CCDC83: variants seen among roughly 807,000 people sequenced by gnomAD.
CCDC83 encodes coiled-coil domain containing 83.
In CCDC83, 54 loss-of-function variants were observed where a neutral mutation model predicts 50.1. That is an observed-to-expected ratio of 1.08 (90% CI 0.87 to 1.35). The LOEUF (loss-of-function observed/expected upper bound fraction) is 1.35. Ranked by LOEUF, CCDC83 falls within the 40% of genes most tolerant of loss-of-function variation. CCDC83 has a pLI of 0.00. For missense variants in CCDC83, 518 were observed against 473.9 expected, an observed-to-expected ratio of 1.09 and a Z score of -0.86; for synonymous variants, 161 against 153.3, an observed-to-expected ratio of 1.05 and a Z score of -0.37.
At chr11:85,915,308 T>C in intron 8 of CCDC83, 111 bp from the exon 9 acceptor site, 1 of 739,520 alleles carries the variant, frequency 1.4e-6, no homozygotes, top group Non-Finnish European at 2.3e-6. Flanking sequence ...AGAAATTATG[T>C]CTCATTTTTC....
intron 2 of CCDC83, among the ~76,000 whole-genome samples, chr11:85,865,610 G>A (rs778685224): frequency 5.3e-5 from 8 of 152,176 alleles, no homozygotes; most frequent in South Asian, 2.1e-4. Context: ...AGAAGAGGCC[G>A]GGCATGGTGG....
At chr11:85,858,791 C>T (rs2044390) in intron 1 of CCDC83, among the ~76,000 whole-genome samples, 24,228 of 152,042 alleles carry the variant, frequency 0.16, 2,118 homozygotes, top group Middle Eastern at 0.2. Context: ...GGTACCTCAG[C>T]CCATGACAGA....
Position 85,898,932 on chromosome 11 carries a change from G to A in CCDC83, c.604-15G>A. The A allele has an allele frequency of 6.3e-7, 1 of 1,597,774 alleles. No individual in the cohort carries two copies. The highest frequency in any genetic ancestry group is 1.1e-5 in the South Asian group (1 of 89,724). ...CATGTGGCAACTCTTCCTTAATCCAGAAACTTTCTTTTAGAATGCTGTAAA... is the reference window on the plus strand; with the variant it reads ...CATGTGGCAACTCTTCCTTAATCCAAAAACTTTCTTTTAGAATGCTGTAAA... On this transcript the variant is annotated splice_polypyrimidine_tract_variant and intron_variant, in intron 6 of 10. Coordinates refer to ENST00000342404, the MANE Select transcript of CCDC83 (RefSeq NM_001286159.2).
chr11:85,857,129 A>T (rs550546523), intron 1 of CCDC83, among the ~76,000 whole-genome samples: 10 of 152,298 alleles, frequency 6.6e-5, no homozygotes, highest in African/African-American at 2.2e-4. Flanking sequence ...ATTGGCCTGG[A>T]CTTCTGGGGA....
At chr11:85,880,356 G>A (rs1056838057) in intron 3 of CCDC83, among the ~76,000 whole-genome samples, 45 of 151,836 alleles carry the variant, frequency 3.0e-4, no homozygotes, top group African/African-American at 9.7e-4. Flanking sequence ...GCACAATTAC[G>A]GCTCACTGCA....
chr11:85,886,422 T>C (rs2093327319), intron 5 of CCDC83, 55 bp downstream of exon 5: 5 of 1,401,876 alleles, frequency 3.6e-6, no homozygotes, highest in Non-Finnish European at 3.8e-6. Context: ...TAGTAGGGCA[T>C]ACATTGATGG....
Position 85,916,222 on chromosome 11 carries a change from A to C in CCDC83, c.1069A>C (p.Lys357Gln). Residue 357 changes from lysine to glutamine, a missense_variant, in exon 10 of 11, where the codon AAG becomes CAG. Physicochemically the swap from Lys to Gln is moderately conservative, Grantham distance 53. Transcript: ENST00000342404. Reference protein sequence around the residue: ...DMKYLLYEDEKDFKDYVNLGP... With the variant: ...DMKYLLYEDEQDFKDYVNLGP... ...GAAGTACTTACTATATGAGGATGAG[A>C]AGGATTTCAAGGTAAGATTCATAAC... 2 of 1,604,146 alleles carry C rather than the reference A, an allele frequency of 1.2e-6. No homozygotes were observed. The highest frequency in any genetic ancestry group is 1.7e-6 in the Non-Finnish European group (2 of 1,174,002).
intron 7 of CCDC83, among the ~76,000 whole-genome samples, chr11:85,904,797 G>A (rs866371439): frequency 7.9e-5 from 12 of 152,092 alleles, no homozygotes; most frequent in African/African-American, 1.9e-4. Flanking sequence ...AAATGTCACC[G>A]TCAGCTTCTA....
chr11:85,900,536 T>C (rs1422796551), intron 7 of CCDC83, among the ~76,000 whole-genome samples: 1 of 152,126 alleles, frequency 6.6e-6, no homozygotes, highest in East Asian at 1.9e-4. Flanking sequence ...AAAAATTTGG[T>C]ATGAAAACAG....
intron 2 of CCDC83, among the ~76,000 whole-genome samples, chr11:85,867,464 T>G (rs1229429634): frequency 2.0e-5 from 3 of 152,238 alleles, no homozygotes; most frequent in Non-Finnish European, 4.4e-5. Flanking sequence ...TATATTCGTA[T>G]GAACTTTTTA....
At chr11:85,872,600 C>T (rs1436614934) in intron 2 of CCDC83, among the ~76,000 whole-genome samples, 1 of 152,186 alleles carries the variant, frequency 6.6e-6, no homozygotes, top group Non-Finnish European at 1.5e-5. Flanking sequence ...AAGAGATACA[C>T]TATACTTAAC....
intron 7 of CCDC83, among the ~76,000 whole-genome samples, chr11:85,908,418 T>A (rs1414556313): frequency 1.3e-5 from 2 of 151,680 alleles, no homozygotes; most frequent in Non-Finnish European, 2.9e-5. Context: ...CTGGGCATGG[T>A]GGCGGGCGCC....
rs575991895 is a variant in CCDC83 at position 85,911,375 on chromosome 11, G to A, written c.767G>A (p.Cys256Tyr). The stretch of plus-strand genomic sequence containing the variant: ...GTGCTTATTGATCAACTATCCAACT[G>A]TAGACTTGTGGATCTCAAGATACCC... ...NLVLIDQLSN[C>Y]RLVDLKIPRR... is the part of the protein sequence containing the mutation. The change falls in exon 8 of 11, where the codon TGT becomes TAT. Residue 256 changes from cysteine to tyrosine, a missense_variant. By Grantham distance (194) the Cys-to-Tyr change is radical. Coordinates refer to ENST00000342404, the MANE Select transcript of CCDC83 (RefSeq NM_001286159.2). 3 of 1,609,058 alleles carry A rather than the reference G, an allele frequency of 1.9e-6. No homozygotes were observed. The South Asian group carries it at 3.3e-5, about 18-fold the overall frequency.
At position 85,886,282 on chromosome 11, in the gene CCDC83, T is replaced by C. The variant is rs1417515716; in HGVS notation, c.426T>C (p.Asn142=). The C allele has an allele frequency of 1.2e-6, 2 of 1,611,442 alleles. No homozygotes were observed. The highest frequency in any genetic ancestry group is 1.7e-5 in the Admixed American group (1 of 59,260). Residue 142 remains asparagine, a synonymous_variant, in exon 5 of 11, where the codon AAT becomes AAC. Transcript: ENST00000342404. Reference sequence around the variant, plus strand: ...AGGAATATTGGGAGGAGTACAAGAATGTAGGGAGTGAACGACATGCTAAAC... The same window carrying C: ...AGGAATATTGGGAGGAGTACAAGAACGTAGGGAGTGAACGACATGCTAAAC... ...SEKEYWEEYK[N]VGSERHAKLI...
intron 7 of CCDC83, among the ~76,000 whole-genome samples, chr11:85,901,960 G>A (rs1393687792): frequency 6.6e-6 from 1 of 152,134 alleles, no homozygotes; most frequent in East Asian, 1.9e-4. Flanking sequence ...GAGCCCAGGA[G>A]GTCAAGGCTG....
intron 2 of CCDC83, among the ~76,000 whole-genome samples, chr11:85,872,842 T>C (rs1468667758): frequency 1.3e-5 from 2 of 152,196 alleles, no homozygotes; most frequent in Admixed American, 1.3e-4. Flanking sequence ...CCTTATAAAG[T>C]CTTAGATTTG....
Position 85,919,570 on chromosome 11 carries a change from T to A in CCDC83, c.*60T>A. 1 of 1,269,074 alleles carries A rather than the reference T, an allele frequency of 7.9e-7. No individual in the cohort carries two copies. Among genetic ancestry groups the A allele is most frequent in the Non-Finnish European group, 1.1e-6 (1 of 899,902 alleles). 78.6% of individuals were successfully genotyped at this position (1,269,074 alleles called of 1,614,324 possible). A position where few individuals can be genotyped will look rare whatever the true frequency, so the allele number is the denominator to read the frequency against. ...TATAAATGTTCTTTGGGAACTGAAG[T>A]ATATCCGTTGCCCATTTTACTTACA... On this transcript the variant is annotated 3_prime_UTR_variant, in exon 11 of 11. Coordinates refer to ENST00000342404, the MANE Select transcript of CCDC83 (RefSeq NM_001286159.2).
chr11:85,858,766 G>A (rs2093157348), intron 1 of CCDC83, among the ~76,000 whole-genome samples: 1 of 152,116 alleles, frequency 6.6e-6, no homozygotes, highest in Admixed American at 6.6e-5. Flanking sequence ...TGTGTGCTTG[G>A]TTCACAGGTT....
chr11:85,912,583 G>A, intron 8 of CCDC83: 1 of 903,224 alleles, frequency 1.1e-6, no homozygotes, highest in Admixed American at 1.7e-5. Flanking sequence ...GGGCCCCTAG[G>A]GGTAGGTGCT....
Sources: allele counts gnomAD v4.1 joint callset (sites outside exome capture counted in the v4.1 genomes callset), GRCh38; gene constraint gnomAD v4.1.1; transcripts MANE v1.5; gene names NCBI Gene and HGNC (gene_info 2026-07-23, HGNC 2026-07-21).